The following PPIH variants were observed in gnomAD, a reference collection of about 807,000 sequenced individuals.
The protein encoded by PPIH is peptidyl-prolyl cis-trans isomerase H.
Under a neutral mutation model 27.6 loss-of-function variants are expected in PPIH, and 16 were observed. The observed-to-expected ratio is 0.58, with a 90% CI of 0.39 to 0.88. The LOEUF is 0.88. Ranked by LOEUF, PPIH falls within the 40% of genes least tolerant of loss-of-function variation. The pLI is 0.00. For synonymous variants in PPIH, 63 were observed against 76.1 expected, an observed-to-expected ratio of 0.83 and a Z score of 0.90; for missense variants, 155 against 224.1, an observed-to-expected ratio of 0.69 and a Z score of 1.97.
intron 9 of PPIH, among the ~76,000 whole-genome samples, chr1:42,672,556 C>T (rs763841465): frequency 2.0e-5 from 3 of 152,184 alleles, no homozygotes; most frequent in Non-Finnish European, 2.9e-5. Context: ...TTGATCAATT[C>T]TACCTCCCTA....
At chr1:42,671,059 G>C (rs1361698485) in intron 9 of PPIH, among the ~76,000 whole-genome samples, 3 of 152,134 alleles carry the variant, frequency 2.0e-5, no homozygotes, top group Non-Finnish European at 2.9e-5. Context: ...GCCTCCCAAA[G>C]TGCTGGGATT....
chr1:42,670,674 T>G (rs1358514377), intron 9 of PPIH, among the ~76,000 whole-genome samples: 1 of 152,144 alleles, frequency 6.6e-6, no homozygotes, highest in Non-Finnish European at 1.5e-5. Context: ...TAGGCTGTGA[T>G]GATGGAAAGA....
intron 6 of PPIH, among the ~76,000 whole-genome samples, chr1:42,665,328 C>T (rs1283802241): frequency 1.3e-5 from 2 of 152,076 alleles, no homozygotes; most frequent in South Asian, 2.1e-4. Context: ...TCGCTTGAAC[C>T]CAGGACGGGG....
At chr1:42,658,699 C>T (rs1266998210) in intron 1 of PPIH, 145 bp from the exon 2 acceptor site, 10 of 1,146,664 alleles carry the variant, frequency 8.7e-6, no homozygotes, top group Non-Finnish European at 1.1e-5. Context: ...CGCCCCGCTT[C>T]TGGAGGAACT....
intron 1 of PPIH, 49 bp from the exon 2 acceptor site, chr1:42,658,795 C>T: frequency 6.3e-7 from 1 of 1,595,322 alleles, no homozygotes; most frequent in Non-Finnish European, 8.6e-7. Flanking sequence ...CTCCGTGAAG[C>T]CCTCATGGTC....
At chr1:42,659,938 T>C (rs566419193) in intron 4 of PPIH, among the ~76,000 whole-genome samples, 1 of 152,344 alleles carries the variant, frequency 6.6e-6, no homozygotes, top group East Asian at 1.9e-4. Context: ...TCATATTTCC[T>C]GGGGAGTGGA....
downstream of PPIH, chr1:42,678,909 T>C (rs1328675526): frequency 2.0e-5 from 3 of 152,224 alleles, no homozygotes; most frequent in African/African-American, 7.2e-5. Flanking sequence ...ATCAACAAGG[T>C]GGCGAGGGCT....
Position 42,664,760 on chromosome 1 carries a change from G to A in PPIH, c.244-103G>A, listed in dbSNP as rs1472652785. 5 of 865,382 alleles carry A rather than the reference G, an allele frequency of 5.8e-6. No homozygotes were observed. In the African/African-American group the frequency reaches 8.6e-5, roughly 15 times the overall value. 53.6% of individuals were successfully genotyped at this position (865,382 alleles called of 1,614,324 possible). A position where few individuals can be genotyped will look rare whatever the true frequency, so the allele number is the denominator to read the frequency against. On this transcript the variant is annotated intron_variant, in intron 5 of 9. Coordinates refer to ENST00000304979, the MANE Select transcript of PPIH (RefSeq NM_006347.4). Reference sequence around the variant, plus strand: ...TCCAAGATGACCAACAAGAGTAAGAGTAGACTTTAAAGATGTCATGCTTTA... The same window carrying A: ...TCCAAGATGACCAACAAGAGTAAGAATAGACTTTAAAGATGTCATGCTTTA...
chr1:42,664,232 G>GTT (rs1649204900), intron 5 of PPIH, among the ~76,000 whole-genome samples: 1 of 152,188 alleles, frequency 6.6e-6, no homozygotes, highest in South Asian at 2.1e-4. Context: ...TCTGTGTTGT[G>GTT]TTCTCTCTCT....
At chr1:42,659,671 A>G (rs1458185397) in intron 4 of PPIH, 105 bp downstream of exon 4, 1 of 1,483,434 alleles carries the variant, frequency 6.7e-7, no homozygotes, top group African/African-American at 1.4e-5. Context: ...ACATTTCTTG[A>G]GAAGAAATGT....
At chr1:42,679,912 A>G (rs1297829659), downstream of PPIH, among the ~76,000 whole-genome samples, 1 of 152,238 alleles carries the variant, frequency 6.6e-6, no homozygotes, top group East Asian at 1.9e-4. Context: ...AGCTGCCCAG[A>G]TGACCCTTCT....
intron 1 of PPIH, 98 bp downstream of exon 1, chr1:42,658,610 C>A: frequency 7.1e-7 from 1 of 1,404,400 alleles, no homozygotes. Context: ...GGGAAGCCAG[C>A]CAGAAAGTGA....
intron 6 of PPIH, among the ~76,000 whole-genome samples, chr1:42,665,289 C>T (rs1187255658): frequency 6.6e-6 from 1 of 152,140 alleles, no homozygotes; most frequent in Non-Finnish European, 1.5e-5. Flanking sequence ...CCTGTAATCC[C>T]ATCTACTCGG....
At chr1:42,674,951 C>T (rs185038977) in intron 9 of PPIH, among the ~76,000 whole-genome samples, 1 of 152,214 alleles carries the variant, frequency 6.6e-6, no homozygotes, top group Non-Finnish European at 1.5e-5. Flanking sequence ...CCAAGTCTTA[C>T]ACACGTAGAG....
chr1:42,663,085 C>T (rs542557807), intron 5 of PPIH, among the ~76,000 whole-genome samples: 15 of 152,250 alleles, frequency 9.9e-5, no homozygotes, highest in Non-Finnish European at 1.9e-4. Flanking sequence ...CTATAGATAA[C>T]GTGATTACGG....
At chr1:42,671,412 A>C (rs1649630080) in intron 9 of PPIH, among the ~76,000 whole-genome samples, 1 of 152,196 alleles carries the variant, frequency 6.6e-6, no homozygotes, top group South Asian at 2.1e-4. Flanking sequence ...TGGGCGACAG[A>C]GCGAGACCCT....
At chr1:42,679,909 C>T (rs994975724), downstream of PPIH, among the ~76,000 whole-genome samples, 1 of 152,228 alleles carries the variant, frequency 6.6e-6, no homozygotes, top group African/African-American at 2.4e-5. Flanking sequence ...CACAGCTGCC[C>T]AGATGACCCT....
chr1:42,678,679 G>T (rs190239090), downstream of PPIH: 1 of 152,310 alleles, frequency 6.6e-6, no homozygotes, highest in African/African-American at 2.4e-5. Flanking sequence ...GATTACAGGC[G>T]TGAGCCACCA....
downstream of PPIH, among the ~76,000 whole-genome samples, chr1:42,677,118 A>G (rs1321213061): frequency 6.6e-6 from 1 of 151,614 alleles, no homozygotes; most frequent in Non-Finnish European, 1.5e-5. Context: ...TCCTTGAAAG[A>G]GTCAAATAAG....
Sources: gnomAD v4.1 joint callset for allele counts (sites outside exome capture counted in the v4.1 genomes callset) on GRCh38, gnomAD v4.1.1 for gene constraint, MANE v1.5 for transcripts, NCBI Gene and HGNC (gene_info 2026-07-23, HGNC 2026-07-21) for gene names.